The following ADGRB3 variants were observed in gnomAD, a reference collection of about 807,000 sequenced individuals.
ADGRB3 encodes brain-specific angiogenesis inhibitor 3.
ADGRB3 carries 37 observed loss-of-function variants against 193.4 expected under a neutral mutation model. The ratio of observed to expected loss-of-function variants is 0.19; its 90% CI spans 0.15 to 0.25. ADGRB3 has a LOEUF of 0.25. Among genes scored for constraint, ADGRB3 ranks in the 10% least tolerant of loss-of-function variants. ADGRB3 has a pLI of 1.00. For missense variants in ADGRB3, 1,637 were observed against 1,852.9 expected (o/e 0.88, Z 2.14); for synonymous variants, 690 against 644.2 (o/e 1.07, Z -1.08).
chr6:69,341,853 A>C (rs957882227), intron 26 of ADGRB3, among the ~76,000 whole-genome samples: 7 of 152,114 alleles, frequency 4.6e-5, no homozygotes, highest in African/African-American at 1.7e-4. Flanking sequence ...ATATACCTAC[A>C]TGCAGTTTTT....
chr6:69,274,296 A>G (rs1162848795), intron 20 of ADGRB3, among the ~76,000 whole-genome samples: 1 of 152,218 alleles, frequency 6.6e-6, no homozygotes, highest in African/African-American at 2.4e-5. Context: ...TTACCCTTCA[A>G]TCCTCAGGTC....
At chr6:68,646,211 T>A (rs969692027) in intron 3 of ADGRB3, among the ~76,000 whole-genome samples, 8 of 152,044 alleles carry the variant, frequency 5.3e-5, no homozygotes, top group Non-Finnish European at 1.0e-4. Flanking sequence ...GCGTAGTGGT[T>A]CATGCCTGTA....
chr6:68,676,389 C>CAAAA (rs70987431), intron 3 of ADGRB3, among the ~76,000 whole-genome samples: 66 of 84,608 alleles, frequency 7.8e-4, no homozygotes, highest in African/African-American at 9.8e-4. Flanking sequence ...GACTCTGTCT[C>CAAAA]AAAAAAAAAA....
chr6:69,055,516 A>G (rs1771519368), intron 15 of ADGRB3, among the ~76,000 whole-genome samples: 1 of 151,962 alleles, frequency 6.6e-6, no homozygotes, highest in Admixed American at 6.6e-5. Flanking sequence ...TATATACCAC[A>G]TTTTCTTCAT....
intron 13 of ADGRB3, among the ~76,000 whole-genome samples, chr6:69,019,534 G>A (rs1770200158): frequency 6.6e-6 from 1 of 151,856 alleles, no homozygotes; most frequent in South Asian, 2.1e-4. Context: ...TTTATCCTAG[G>A]ATATCTTCCA....
intron 17 of ADGRB3, among the ~76,000 whole-genome samples, chr6:69,211,719 C>G (rs1277008302): frequency 6.6e-6 from 1 of 152,046 alleles, no homozygotes; most frequent in Admixed American, 6.6e-5. Context: ...CAGCTATATT[C>G]CCAGGACCTA....
intron 3 of ADGRB3, among the ~76,000 whole-genome samples, chr6:68,655,962 C>G (rs1768480783): frequency 6.6e-6 from 1 of 151,576 alleles, no homozygotes; most frequent in South Asian, 2.1e-4. Flanking sequence ...GTAAAATCAA[C>G]TTAAAAATCT....
At chr6:69,020,863 G>C (rs1313088477) in intron 13 of ADGRB3, among the ~76,000 whole-genome samples, 6 of 151,852 alleles carry the variant, frequency 4.0e-5, no homozygotes, top group African/African-American at 1.5e-4. Flanking sequence ...GTATACACTA[G>C]TATCAAATTA....
At chr6:68,714,370 T>TG (rs1765456581) in intron 3 of ADGRB3, among the ~76,000 whole-genome samples, 4 of 151,816 alleles carry the variant, frequency 2.6e-5, no homozygotes, top group Admixed American at 2.6e-4. Flanking sequence ...TAGTCAAATT[T>TG]TTTTTTGTCA....
intron 12 of ADGRB3, among the ~76,000 whole-genome samples, chr6:69,016,649 A>G (rs756625800): frequency 4.6e-5 from 7 of 151,968 alleles, no homozygotes; most frequent in Non-Finnish European, 8.8e-5. Flanking sequence ...AAACTGAGAA[A>G]GAGGAGCACT....
chr6:68,996,308 T>C (rs1253356994), intron 11 of ADGRB3, among the ~76,000 whole-genome samples: 1 of 152,154 alleles, frequency 6.6e-6, no homozygotes, highest in East Asian at 1.9e-4. Context: ...CTACATGATT[T>C]CTGTGGCCTC....
At position 69,192,312 on chromosome 6, in the gene ADGRB3, C is replaced by T. The variant is rs546502875; in HGVS notation, c.2481-40978C>T. Among the ~76,000 whole-genome samples, 10 of 152,196 alleles carry T rather than the reference C, an allele frequency of 6.6e-5. No homozygotes were observed. The South Asian group carries it at 1.5e-3, about 22-fold the overall frequency. ...TGTTAGAGGGCAGGAAGTGGATGCA[C>T]GGGAGAAAGATGCAGGCTGGGAGAC... On this transcript the variant is annotated intron_variant, in intron 17 of 31. Coordinates refer to ENST00000370598, the MANE Select transcript of ADGRB3 (RefSeq NM_001704.3).
At chr6:68,857,168 G>C (rs1240951333) in intron 3 of ADGRB3, among the ~76,000 whole-genome samples, 1 of 152,218 alleles carries the variant, frequency 6.6e-6, no homozygotes, top group Non-Finnish European at 1.5e-5. Flanking sequence ...GAGAACCTCT[G>C]CTAGGGCAGT....
At chr6:68,935,129 G>A (rs1028933028) in intron 4 of ADGRB3, among the ~76,000 whole-genome samples, 1 of 152,180 alleles carries the variant, frequency 6.6e-6, no homozygotes, top group Non-Finnish European at 1.5e-5. Context: ...GTGGTTAGTG[G>A]ATCAGTGTTT....
chr6:69,116,886 A>G (rs1773546318), intron 17 of ADGRB3, among the ~76,000 whole-genome samples: 1 of 152,234 alleles, frequency 6.6e-6, no homozygotes, highest in Non-Finnish European at 1.5e-5. Flanking sequence ...GTGCCTGCCA[A>G]CGGGGACTCA....
intron 17 of ADGRB3, among the ~76,000 whole-genome samples, chr6:69,135,198 G>C (rs1168880540): frequency 1.3e-5 from 2 of 151,964 alleles, no homozygotes; most frequent in East Asian, 3.9e-4. Flanking sequence ...TAAGTAGTGA[G>C]TTCATTGTCC....
chr6:69,169,271 A>G (rs1775210823), intron 17 of ADGRB3, among the ~76,000 whole-genome samples: 1 of 152,054 alleles, frequency 6.6e-6, no homozygotes, highest in South Asian at 2.1e-4. Context: ...TTATTTTGAA[A>G]TATGTAGCCC....
chr6:68,853,860 CA>C (rs1250963246), intron 3 of ADGRB3, among the ~76,000 whole-genome samples: 1 of 152,114 alleles, frequency 6.6e-6, no homozygotes, highest in Non-Finnish European at 1.5e-5. Context: ...CATAGATTAT[CA>C]ATATTATGGT....
intron 11 of ADGRB3, among the ~76,000 whole-genome samples, chr6:69,003,588 A>C (rs1036943883): frequency 3.3e-5 from 5 of 152,150 alleles, no homozygotes; most frequent in African/African-American, 1.2e-4. Flanking sequence ...TGCTGTTTTC[A>C]ATGCTTAACA....
Sources: gnomAD v4.1 joint callset for allele counts (sites outside exome capture counted in the v4.1 genomes callset) on GRCh38, gnomAD v4.1.1 for gene constraint, MANE v1.5 for transcripts, NCBI Gene and HGNC (gene_info 2026-07-23, HGNC 2026-07-21) for gene names.